Variants in IQGAP2 observed in about 807,000 individuals in gnomAD.
The protein encoded by IQGAP2 is IQ motif containing GTPase activating protein 2.
In IQGAP2, 173 loss-of-function variants were observed where a neutral mutation model predicts 201.3. The observed-to-expected ratio is 0.86, with a 90% CI of 0.76 to 0.98. IQGAP2 has a LOEUF of 0.98. Ranked by LOEUF, IQGAP2 falls within the 50% of genes least tolerant of loss-of-function variation. The pLI, the probability that IQGAP2 is intolerant of heterozygous loss-of-function variation, is 0.00. For missense variants in IQGAP2, 1,687 were observed against 1,864.8 expected (o/e 0.90, Z 1.76); for synonymous variants, 675 against 673.9 (o/e 1.00, Z -0.03).
chr5:76,593,182 C>T (rs1746778170), intron 9 of IQGAP2, among the ~76,000 whole-genome samples: 1 of 152,182 alleles, frequency 6.6e-6, no homozygotes, highest in African/African-American at 2.4e-5. Context: ...TTACATTCCA[C>T]ATTTTAATTC....
intron 2 of IQGAP2, among the ~76,000 whole-genome samples, chr5:76,550,141 G>C (rs1251075898): frequency 6.6e-6 from 1 of 152,112 alleles, no homozygotes; most frequent in Non-Finnish European, 1.5e-5. Context: ...AACCAGACAA[G>C]TTATTTGCTT....
intron 33 of IQGAP2, among the ~76,000 whole-genome samples, chr5:76,699,719 T>TTCTCTCTCTCTCTCTCTC (rs557554396): frequency 9.8e-5 from 2 of 20,462 alleles, no homozygotes; most frequent in African/African-American, 2.6e-4. Flanking sequence ...TTCTCTCTGT[T>TTCTCTCTCTCTCTCTCTC]TCTCTCTCTC....
rs1745033225 is a variant in IQGAP2 at position 76,570,481 on chromosome 5, A to G, written c.304-99A>G. 4 of 789,898 alleles carry G rather than the reference A, an allele frequency of 5.1e-6. No individual in the cohort carries two copies. The African/African-American group carries it at 6.8e-5, about 13-fold the overall frequency. The allele number at this position is 789,898 out of a possible 1,614,324, so 48.9% of individuals were successfully genotyped here. A position where few individuals can be genotyped will look rare whatever the true frequency, so the allele number is the denominator to read the frequency against. ...TTAATAACTCTGTTCCAGGAGAAAT[A>G]CAATTGAAAAGCATCCTGTACATGA... is the stretch of plus-strand genomic sequence containing the variant. On this transcript the variant is annotated intron_variant, in intron 3 of 35. Coordinates refer to ENST00000274364, the MANE Select transcript of IQGAP2 (RefSeq NM_006633.5).
chr5:76,485,230 C>T (rs116682835), intron 2 of IQGAP2, among the ~76,000 whole-genome samples: 1,665 of 152,270 alleles, frequency 0.011, 32 homozygotes, highest in African/African-American at 0.038. Context: ...AGGCCAGAAC[C>T]CAATTCTCTG....
chr5:76,599,098 T>C (rs1353292909), intron 10 of IQGAP2, among the ~76,000 whole-genome samples: 3 of 152,246 alleles, frequency 2.0e-5, no homozygotes, highest in South Asian at 4.1e-4. Context: ...GACTTCTGTA[T>C]TGGCTGAGTG....
intron 1 of IQGAP2, among the ~76,000 whole-genome samples, chr5:76,422,822 A>G (rs80027411): frequency 0.015 from 2,220 of 152,338 alleles, 64 homozygotes; most frequent in African/African-American, 0.049. Context: ...ACAAACACAT[A>G]TGATGCTTCT....
chr5:76,702,565 TG>T lies in IQGAP2; in HGVS notation c.4591del (p.Glu1531LysfsTer18). 1 of 1,576,142 alleles carries T rather than the reference TG, an allele frequency of 6.3e-7. No homozygotes were observed. Among genetic ancestry groups the T allele is most frequent in the African/African-American group, 1.3e-5 (1 of 74,326 alleles). ...DVRSKFLGVE[M>X]EKVQLNIQDL... ...AGATCAAAATTCCTTGGTGTTGAGATGGAAAAGGTGCAACTCAATATTCAGG... is the reference window on the plus strand; with the variant it reads ...AGATCAAAATTCCTTGGTGTTGAGATGAAAAGGTGCAACTCAATATTCAGG... On this transcript the variant is annotated frameshift_variant, in exon 35 of 36. Coordinates refer to ENST00000274364, the MANE Select transcript of IQGAP2 (RefSeq NM_006633.5). LOFTEE classifies it high-confidence loss of function.
intron 1 of IQGAP2, chr5:76,404,402 T>C: frequency 2.2e-6 from 2 of 922,498 alleles, no homozygotes; most frequent in South Asian, 5.0e-5. Flanking sequence ...GTCCTAAACA[T>C]GTGCCAGGAA....
rs1438559813 is a variant in IQGAP2 at position 76,420,710 on chromosome 5, A to G, written c.46+17119A>G. Among the ~76,000 whole-genome samples the G allele has an allele frequency of 2.0e-5, 3 of 152,254 alleles. No homozygotes were observed. In the South Asian group the frequency reaches 6.2e-4, roughly 32 times the overall value. On this transcript the variant is annotated intron_variant, in intron 1 of 35. Transcript: ENST00000274364. ...TTTTATCTTCCCAAACTGAAACTCC[A>G]TACACATTAAATAATAACTCCCATT...
chr5:76,578,176 G>A (rs961845385), intron 5 of IQGAP2, among the ~76,000 whole-genome samples: 7 of 152,016 alleles, frequency 4.6e-5, no homozygotes, highest in South Asian at 2.1e-4. Flanking sequence ...TCCCAGTCTC[G>A]TGTCCTACCA....
At chr5:76,595,771 A>G (rs1424971510) in intron 9 of IQGAP2, among the ~76,000 whole-genome samples, 1 of 130,156 alleles carries the variant, frequency 7.7e-6, no homozygotes. Context: ...AAAAAGAAAG[A>G]GAGAGAGAGA....
intron 2 of IQGAP2, among the ~76,000 whole-genome samples, chr5:76,550,322 C>T (rs1311781538): frequency 3.3e-5 from 5 of 150,766 alleles, no homozygotes; most frequent in African/African-American, 1.2e-4. Context: ...ATGATCTGTC[C>T]TCCAGGCCCA....
At chr5:76,495,424 G>A (rs553423153) in intron 2 of IQGAP2, among the ~76,000 whole-genome samples, 4 of 152,340 alleles carry the variant, frequency 2.6e-5, no homozygotes, top group Non-Finnish European at 4.4e-5. Flanking sequence ...AGGTGACTCA[G>A]TTCCTGGAGG....
At chr5:76,492,009 A>G (rs1330061573) in intron 2 of IQGAP2, among the ~76,000 whole-genome samples, 1 of 151,998 alleles carries the variant, frequency 6.6e-6, no homozygotes, top group Non-Finnish European at 1.5e-5. Context: ...CTCACCTGCC[A>G]TCTCCCATGT....
At chr5:76,501,762 C>A (rs1466649135) in intron 2 of IQGAP2, among the ~76,000 whole-genome samples, 1 of 151,702 alleles carries the variant, frequency 6.6e-6, no homozygotes, top group Non-Finnish European at 1.5e-5. Context: ...CCTGCCTCAG[C>A]CTCCCAAGTA....
chr5:76,411,754 C>T (rs34786851), intron 1 of IQGAP2, among the ~76,000 whole-genome samples: 3,129 of 152,272 alleles, frequency 0.021, 65 homozygotes, highest in Middle Eastern at 0.031. Context: ...GACCCAGTCT[C>T]AGGTATTCTG....
chr5:76,534,284 C>A (rs1468582045), intron 2 of IQGAP2, among the ~76,000 whole-genome samples: 1 of 152,162 alleles, frequency 6.6e-6, no homozygotes. Flanking sequence ...CAGATAATTG[C>A]TAAACATCCT....
At chr5:76,641,239 T>C (rs1371168142) in intron 17 of IQGAP2, 136 bp downstream of exon 17, 2 of 623,934 alleles carry the variant, frequency 3.2e-6, no homozygotes, top group Non-Finnish European at 5.4e-6. Context: ...TCAGTGCCCC[T>C]AGTCTACTTC....
intron 2 of IQGAP2, among the ~76,000 whole-genome samples, chr5:76,535,576 G>T (rs976218722): frequency 6.6e-6 from 1 of 152,150 alleles, no homozygotes; most frequent in Non-Finnish European, 1.5e-5. Context: ...ATTGCTATGC[G>T]GCACGCCCTG....
Sources: gnomAD v4.1 joint callset for allele counts (sites outside exome capture counted in the v4.1 genomes callset) on GRCh38, gnomAD v4.1.1 for gene constraint, MANE v1.5 for transcripts, NCBI Gene and HGNC (gene_info 2026-07-23, HGNC 2026-07-21) for gene names.